Variants in EPB41L3 observed in about 807,000 individuals in gnomAD.
The protein encoded by EPB41L3 is erythrocyte membrane protein band 4.1 like 3.
A neutral mutation model predicts 127.1 loss-of-function variants in EPB41L3; 57 were observed. The ratio of observed to expected loss-of-function variants is 0.45; its 90% confidence interval spans 0.36 to 0.56. EPB41L3 has a LOEUF of 0.56. Among genes scored for constraint, EPB41L3 ranks in the 20% least tolerant of loss-of-function variants. EPB41L3 has a pLI of 0.00. For missense variants in EPB41L3, 1,273 were observed against 1,372.2 expected (o/e 0.93, Z 1.14); for synonymous variants, 572 against 549.5 (o/e 1.04, Z -0.57).
In EPB41L3 at chr18:5,543,989, A is replaced by G. The variant is rs1490492980; in HGVS notation, c.-88T>C. On this transcript the variant is annotated 5_prime_UTR_variant, in exon 1 of 23. Coordinates refer to ENST00000341928, the MANE Select transcript of EPB41L3 (RefSeq NM_012307.5). The surrounding 1 kb of genome is among the most constrained non-coding windows in gnomAD (Gnocchi z 5.2). ...GCGCGCGTCCTCGGCGGCGGTGCGC[A>G]GGAGACTCGGGCGTGGGGAGGAAGC... 1.0e-6 allele frequency: 1 copy of G among 985,550 alleles called. No individual in the cohort carries two copies. Among genetic ancestry groups the G allele is most frequent in the Non-Finnish European group, 1.2e-6 (1 of 830,050 alleles). The allele number at this position is 985,550 out of a possible 1,614,324, so 61.1% of individuals were successfully genotyped here.
chr18:5,407,109 C>A, intron 15 of EPB41L3, 141 bp from the exon 16 acceptor site: 1 of 664,336 alleles, frequency 1.5e-6, no homozygotes, highest in Non-Finnish European at 2.6e-6. Flanking sequence ...CATGGCACTA[C>A]CACAAACACT....
rs143652233 is a variant in EPB41L3, at chr18:5,411,397, G to T, written c.2068-778C>A. 1.6e-3 allele frequency among the ~76,000 whole-genome samples: 243 copies of T among 152,252 alleles called. 1 individual carries two copies. The highest frequency in any genetic ancestry group is 5.6e-3 in the African/African-American group (234 of 41,542). ...AAGAATTGTTAAAACAATAGACAGAGAAAGAGAAAGAGAGAAACATCTACT... is the reference window on the plus strand; with the variant it reads ...AAGAATTGTTAAAACAATAGACAGATAAAGAGAAAGAGAGAAACATCTACT... On this transcript the variant is annotated intron_variant, in intron 13 of 22. Coordinates refer to ENST00000341928, the MANE Select transcript of EPB41L3 (RefSeq NM_012307.5).
intron 3 of EPB41L3, among the ~76,000 whole-genome samples, chr18:5,465,040 A>G (rs1166443027): frequency 6.6e-6 from 1 of 152,236 alleles, no homozygotes; most frequent in African/African-American, 2.4e-5. Context: ...CTTTCAAAAT[A>G]TATTCAGGCT....
chr18:5,430,760 G>C (rs1190414731), intron 8 of EPB41L3, among the ~76,000 whole-genome samples: 1 of 150,274 alleles, frequency 6.7e-6, no homozygotes, highest in Non-Finnish European at 1.5e-5. Context: ...ATCGGGTTCT[G>C]CTACATTTAT....
chr18:5,443,661 C>T (rs2081093684), intron 5 of EPB41L3, among the ~76,000 whole-genome samples, 177 bp downstream of exon 5: 1 of 152,146 alleles, frequency 6.6e-6, no homozygotes, highest in African/African-American at 2.4e-5. Context: ...GCATCACGGT[C>T]CCTTTAACTC....
chr18:5,566,648 C>T (rs892758153), intron 3 of EPB41L3, among the ~76,000 whole-genome samples: 4 of 152,054 alleles, frequency 2.6e-5, no homozygotes, highest in African/African-American at 4.8e-5. Context: ...GAGTCTGCAT[C>T]GCCAAGTCAA....
Position 5,489,138 on chromosome 18 carries a change from C to G in EPB41L3, c.46G>C (p.Glu16Gln). The change falls in exon 2 of 23, where the codon GAG becomes CAG. Residue 16 changes from glutamate to glutamine, a missense_variant. Physicochemically the swap from Glu to Gln is conservative, Grantham distance 29. Transcript: ENST00000341928. Reference protein sequence around the residue: ...GSDSESKPDQEAEPQEAAGAQ... With the variant: ...GSDSESKPDQQAEPQEAAGAQ... ...CCCGCCGCCTCCTGGGGCTCGGCCTCCTGGTCCGGCTTGGATTCCGAGTCT... is the reference window on the plus strand; with the variant it reads ...CCCGCCGCCTCCTGGGGCTCGGCCTGCTGGTCCGGCTTGGATTCCGAGTCT... The G allele has an allele frequency of 6.3e-7, 1 of 1,595,290 alleles. No individual in the cohort carries two copies.
Position 5,416,311 on chromosome 18 carries a change from G to C in EPB41L3, c.1574C>G (p.Pro525Arg), listed in dbSNP as rs199822438. 6.2e-7 allele frequency: 1 copy of C among 1,614,106 alleles called. No individual in the cohort carries two copies. The highest frequency in any genetic ancestry group is 8.5e-7 in the Non-Finnish European group (1 of 1,180,032). The change falls in exon 13 of 23, where the codon CCC becomes CGC. Residue 525 changes from proline to arginine, a missense_variant. Pro to Arg is a moderately radical substitution (Grantham distance 103, BLOSUM62 -2). Around this residue, in one of 3 missense-constraint regions of EPB41L3, gnomAD observed 765 missense variants for 782.9 expected, o/e 0.98. Transcript: ENST00000341928. ...CTTACACCTCCTACGGAGCTCTGTG[G>C]GAGATGTGGGGGCACAATGGGTGGA... ...PPSTHCAPTSPTELRRRCKEN... is the reference protein window; with the variant it reads ...PPSTHCAPTSRTELRRRCKEN...
chr18:5,506,447 T>C (rs563439504), intron 1 of EPB41L3, among the ~76,000 whole-genome samples: 1 of 152,304 alleles, frequency 6.6e-6, no homozygotes, highest in Admixed American at 6.5e-5. Flanking sequence ...CTTCCTTGGC[T>C]TATTCACCCA....
chr18:5,519,387 T>A (rs1251714132), intron 1 of EPB41L3, among the ~76,000 whole-genome samples: 1 of 152,188 alleles, frequency 6.6e-6, no homozygotes, highest in East Asian at 1.9e-4. Context: ...TACTCCCCAG[T>A]CTATCCGGAT....
intron 1 of EPB41L3, among the ~76,000 whole-genome samples, chr18:5,531,351 G>A (rs2148932056): frequency 6.6e-6 from 1 of 152,324 alleles, no homozygotes; most frequent in East Asian, 1.9e-4. Context: ...AAAAGGGGCA[G>A]TTTAACATGG....
intron 3 of EPB41L3, among the ~76,000 whole-genome samples, chr18:5,560,368 A>G (rs2094107333): frequency 6.6e-6 from 1 of 152,200 alleles, no homozygotes; most frequent in African/African-American, 2.4e-5. Flanking sequence ...CATCCCTACC[A>G]TAAAGTTTTT....
intron 3 of EPB41L3, among the ~76,000 whole-genome samples, chr18:5,552,430 G>A (rs867062343): frequency 4.6e-5 from 7 of 152,190 alleles, no homozygotes; most frequent in Admixed American, 6.5e-5. Context: ...TTACACACGC[G>A]TACTTGTGGT....
chr18:5,463,706 A>G (rs538386554), intron 3 of EPB41L3: 2 of 152,354 alleles, frequency 1.3e-5, no homozygotes, highest in Admixed American at 1.3e-4. Context: ...CCTAAGGAGT[A>G]TGAAGCTGAT....
chr18:5,579,124 C>T (rs1377980125), intron 3 of EPB41L3, among the ~76,000 whole-genome samples: 1 of 152,252 alleles, frequency 6.6e-6, no homozygotes, highest in East Asian at 1.9e-4. Context: ...TGAAACTTCA[C>T]AATAAAAAAT....
At chr18:5,553,635 A>G (rs922420067) in intron 3 of EPB41L3, among the ~76,000 whole-genome samples, 1 of 152,248 alleles carries the variant, frequency 6.6e-6, no homozygotes, top group East Asian at 1.9e-4. Flanking sequence ...GCTCTCATCC[A>G]TCAGTAGATC....
chr18:5,528,016 C>A (rs2093289682), intron 1 of EPB41L3, among the ~76,000 whole-genome samples: 1 of 151,898 alleles, frequency 6.6e-6, no homozygotes, highest in Admixed American at 6.6e-5. Context: ...AAAACAATAC[C>A]ACAAATAGTT....
intron 3 of EPB41L3, among the ~76,000 whole-genome samples, chr18:5,561,038 C>G (rs1056794613): frequency 2.8e-5 from 4 of 142,876 alleles, no homozygotes; most frequent in Non-Finnish European, 4.5e-5. Context: ...AGTGCAGTGG[C>G]GCGATCGCGG....
chr18:5,444,193 A>G (rs1475443251), intron 4 of EPB41L3, among the ~76,000 whole-genome samples: 2 of 152,254 alleles, frequency 1.3e-5, no homozygotes, highest in Non-Finnish European at 2.9e-5. Flanking sequence ...CTATGTTCAG[A>G]CAAGTTACTA....
Sources: gnomAD v4.1 joint callset for allele counts (sites outside exome capture counted in the v4.1 genomes callset) on GRCh38, gnomAD v4.1.1 for gene constraint, gnomAD v4.1.1 regional missense constraint, Gnocchi (gnomAD v3.1) non-coding constraint, MANE v1.5 for transcripts, NCBI Gene and HGNC (gene_info 2026-07-23, HGNC 2026-07-21) for gene names.